GABBR2: variants seen among roughly 807,000 people sequenced by gnomAD.
GABBR2 encodes G-protein coupled receptor 51.
In GABBR2, 23 loss-of-function variants were observed where a neutral mutation model predicts 105.6. That is an observed-to-expected ratio of 0.22 (90% CI 0.16 to 0.31). The LOEUF (loss-of-function observed/expected upper bound fraction) is 0.31. Among genes scored for constraint, GABBR2 ranks in the 10% least tolerant of loss-of-function variants. The pLI is 1.00. For synonymous variants in GABBR2, 478 were observed against 499.7 expected (o/e 0.96, Z 0.58); for missense variants, 734 against 1,245.5 (o/e 0.59, Z 6.18).
At chr9:98,491,068 T>A (rs1399852686) in intron 4 of GABBR2, among the ~76,000 whole-genome samples, 1 of 152,180 alleles carries the variant, frequency 6.6e-6, no homozygotes, top group Admixed American at 6.5e-5. Flanking sequence ...CTATTGTGTT[T>A]CTGTCAATTT....
At chr9:98,320,839 GA>G (rs1465223306) in intron 13 of GABBR2, among the ~76,000 whole-genome samples, 1 of 126,826 alleles carries the variant, frequency 7.9e-6, no homozygotes, top group Non-Finnish European at 1.6e-5. Context: ...GGTGTGGGGG[GA>G]GGGGGGAGGG....
chr9:98,691,917 G>C (rs1227733668), intron 1 of GABBR2, among the ~76,000 whole-genome samples: 1 of 152,210 alleles, frequency 6.6e-6, no homozygotes, highest in East Asian at 1.9e-4. Context: ...TCTGCTAAGA[G>C]GATCTTCAAA....
At chr9:98,352,720 G>C (rs1831421225) in intron 13 of GABBR2, among the ~76,000 whole-genome samples, 1 of 152,104 alleles carries the variant, frequency 6.6e-6, no homozygotes, top group African/African-American at 2.4e-5. Context: ...CAGGCTCTGG[G>C]GAGAGCATGC....
At chr9:98,300,011 T>C (rs1312382935) in intron 16 of GABBR2, among the ~76,000 whole-genome samples, 1 of 151,776 alleles carries the variant, frequency 6.6e-6, no homozygotes, top group Non-Finnish European at 1.5e-5. Context: ...TACACGTGCA[T>C]GCTACCATGT....
chr9:98,557,188 G>A (rs756342833), intron 2 of GABBR2, among the ~76,000 whole-genome samples: 4 of 152,096 alleles, frequency 2.6e-5, no homozygotes, highest in African/African-American at 9.7e-5. Context: ...TTGCTCCAGC[G>A]TCCTCTCTCA....
intron 7 of GABBR2, among the ~76,000 whole-genome samples, chr9:98,427,123 C>T (rs1254079369): frequency 6.6e-6 from 1 of 152,194 alleles, no homozygotes; most frequent in African/African-American, 2.4e-5. Flanking sequence ...CTTCTAGCGG[C>T]AGAAACCAGA....
At chr9:98,675,893 A>G (rs962739282) in intron 1 of GABBR2, among the ~76,000 whole-genome samples, 12 of 152,226 alleles carry the variant, frequency 7.9e-5, no homozygotes, top group African/African-American at 2.7e-4. Context: ...GCAGGCATTA[A>G]GAAGACACTC....
chr9:98,665,941 T>C (rs566904869), intron 1 of GABBR2, among the ~76,000 whole-genome samples: 5 of 152,226 alleles, frequency 3.3e-5, no homozygotes, highest in Non-Finnish European at 7.3e-5. Context: ...TATTCTGGTA[T>C]GGTTTACCTG....
At chr9:98,541,309 T>G (rs1828298425) in intron 3 of GABBR2, among the ~76,000 whole-genome samples, 1 of 152,104 alleles carries the variant, frequency 6.6e-6, no homozygotes, top group Non-Finnish European at 1.5e-5. Context: ...ATGATTCAGG[T>G]GGCTTAGGAC....
intron 8 of GABBR2, among the ~76,000 whole-genome samples, chr9:98,403,617 C>T (rs1185527365): frequency 6.6e-6 from 1 of 152,102 alleles, no homozygotes; most frequent in African/African-American, 2.4e-5. Flanking sequence ...CAGGGAGCCG[C>T]TATTAGGGGT....
chr9:98,306,508 G>A lies in GABBR2; in HGVS notation c.2005-163C>T. ...CCGGGTCTTCTGGATGTCACCATCT[G>A]TCCCCACTTGTGGCCCTGCTGAGTC... On this transcript the variant is annotated intron_variant, in intron 14 of 18. Transcript: ENST00000259455. This position sits in a 1 kb window ranked among gnomAD's most constrained non-coding sequence, Gnocchi z 5.4. The A allele has an allele frequency of 1.6e-6, 1 of 636,058 alleles. No homozygotes were observed. 39.4% of individuals were successfully genotyped at this position (636,058 alleles called of 1,614,324 possible). A position where few individuals can be genotyped will look rare whatever the true frequency, so the allele number is the denominator to read the frequency against.
chr9:98,626,945 C>T (rs555323425), intron 1 of GABBR2, among the ~76,000 whole-genome samples: 1 of 152,324 alleles, frequency 6.6e-6, no homozygotes, highest in South Asian at 2.1e-4. Context: ...CATCATCCTG[C>T]TTCAGGAATA....
chr9:98,361,369 A>G (rs920388369), intron 13 of GABBR2, among the ~76,000 whole-genome samples: 14 of 125,698 alleles, frequency 1.1e-4, no homozygotes, highest in African/African-American at 1.6e-4. Context: ...TGTCATCATC[A>G]TCATCGCTCT....
rs1036472621 is a variant in GABBR2 at position 98,311,750 on chromosome 9, G to T, written c.1894-545C>A. On this transcript the variant is annotated intron_variant, in intron 13 of 18. Coordinates refer to ENST00000259455, the MANE Select transcript of GABBR2 (RefSeq NM_005458.8). ...TTGTGTACCACATGACTCATCCTTG[G>T]CCAGAGCTGACTGGACAAAGAATGG... Among the ~76,000 whole-genome samples the T allele has an allele frequency of 2.0e-5, 3 of 152,306 alleles. No homozygotes were observed. In the East Asian group the frequency reaches 5.8e-4, roughly 29 times the overall value.
intron 1 of GABBR2, among the ~76,000 whole-genome samples, chr9:98,599,851 T>C (rs1829299324): frequency 6.6e-6 from 1 of 151,972 alleles, no homozygotes. Context: ...CAGGGAGAGA[T>C]GGGGGTGGGT....
At chr9:98,680,017 ACCTTTGTATATTT>A (rs1830522685) in intron 1 of GABBR2, among the ~76,000 whole-genome samples, 1 of 152,138 alleles carries the variant, frequency 6.6e-6, no homozygotes, top group Admixed American at 6.5e-5. Flanking sequence ...TATATTAAAT[ACCTTTGTATATTT>A]CCTCTTTTCT....
chr9:98,291,595 G>GA (rs1295903776), intron 18 of GABBR2, among the ~76,000 whole-genome samples: 1 of 152,028 alleles, frequency 6.6e-6, no homozygotes, highest in East Asian at 1.9e-4. Context: ...CCAAGGAAGG[G>GA]AAAAAAAGGG....
chr9:98,643,752 C>T (rs1426443355), intron 1 of GABBR2, among the ~76,000 whole-genome samples: 1 of 152,218 alleles, frequency 6.6e-6, no homozygotes, highest in Non-Finnish European at 1.5e-5. Context: ...CCCCAGTAGG[C>T]CCAATGAAGC....
Position 98,365,716 on chromosome 9 carries a change from A to C in GABBR2, c.1771-2879T>G, listed in dbSNP as rs187893452. On this transcript the variant is annotated intron_variant, in intron 12 of 18. Transcript: ENST00000259455. ...CTAAGAAACATGCATGTTTGTGGGGAAGACTAGTAGTGAAAATTATACAAG... is the reference window on the plus strand; with the variant it reads ...CTAAGAAACATGCATGTTTGTGGGGCAGACTAGTAGTGAAAATTATACAAG... Among the ~76,000 whole-genome samples the C allele has an allele frequency of 1.5e-4, 23 of 152,324 alleles. No homozygotes were observed. The East Asian group carries it at 3.8e-3, about 25-fold the overall frequency.
Sources: allele counts gnomAD v4.1 joint callset (sites outside exome capture counted in the v4.1 genomes callset), GRCh38; gene constraint gnomAD v4.1.1; non-coding constraint Gnocchi (gnomAD v3.1); transcripts MANE v1.5; gene names NCBI Gene and HGNC (gene_info 2026-07-23, HGNC 2026-07-21).